PCDHGB2: variants seen among roughly 807,000 people sequenced by gnomAD.
The protein encoded by PCDHGB2 is protocadherin gamma subfamily B, 2.
PCDHGB2 carries 55 observed loss-of-function variants against 59.3 expected under a neutral mutation model. The ratio of observed to expected loss-of-function variants is 0.93; its 90% CI spans 0.75 to 1.16. The LOEUF is 1.16. PCDHGB2 is among the 50% of genes most tolerant of loss of function. The pLI is 0.00. For missense variants in PCDHGB2, 1,228 were observed against 1,198.5 expected, an observed-to-expected ratio of 1.02 and a Z score of -0.36; for synonymous variants, 516 against 512.0, an observed-to-expected ratio of 1.01 and a Z score of -0.11.
At chr5:141,408,473 G>A (rs2095117243) in intron 1 of PCDHGB2, 5 of 1,613,952 alleles carry the variant, frequency 3.1e-6, no homozygotes, top group African/African-American at 1.3e-5. Flanking sequence ...GAACCGAATA[G>A]ACCGTGAGCA....
intron 1 of PCDHGB2, chr5:141,441,910 G>A: frequency 2.9e-6 from 1 of 349,440 alleles, no homozygotes; most frequent in Non-Finnish European, 5.5e-6. Flanking sequence ...AGACGCAGAT[G>A]TGAGACACAA....
chr5:141,448,974 C>T (rs937711828), intron 1 of PCDHGB2, among the ~76,000 whole-genome samples: 5 of 151,994 alleles, frequency 3.3e-5, no homozygotes, highest in African/African-American at 1.2e-4. Context: ...CAAAAAAGAA[C>T]TTCCATATTA....
At chr5:141,414,921 G>T (rs746806079) in intron 1 of PCDHGB2, 22 of 1,613,992 alleles carry the variant, frequency 1.4e-5, no homozygotes, top group East Asian at 4.5e-5. Context: ...TGGAGCTGGC[G>T]CCCCGCTCCG....
chr5:141,505,653 G>A (rs1049630228), intron 3 of PCDHGB2, among the ~76,000 whole-genome samples, 172 bp downstream of exon 3: 1 of 152,184 alleles, frequency 6.6e-6, no homozygotes, highest in Non-Finnish European at 1.5e-5. Context: ...TTGTGGCTAA[G>A]GAACAGCAGA....
chr5:141,419,715 T>A, intron 1 of PCDHGB2: 5 of 1,613,288 alleles, frequency 3.1e-6, no homozygotes, highest in Non-Finnish European at 4.2e-6. Context: ...CTCTTCAGCC[T>A]GGGGCTGCGA....
chr5:141,378,385 G>T, intron 1 of PCDHGB2: 1 of 152,308 alleles, frequency 6.6e-6, no homozygotes, highest in Non-Finnish European at 1.5e-5. Flanking sequence ...TAGCCAGGTG[G>T]GGTGGCATGG....
rs56172360 is a variant in PCDHGB2, at chr5:141,369,006, T to C, written c.2421+6450T>C. 9.9e-3 allele frequency among the ~76,000 whole-genome samples: 1,506 copies of C among 152,332 alleles called. 25 individuals are homozygous for C. Among genetic ancestry groups the C allele is most frequent in the African/African-American group, 0.034 (1,404 of 41,566 alleles). ...TAAGGTGAATTCGGTGTGGAACTCA[T>C]TGCTTATTGCTGCACACTTGCCTAG... On this transcript the variant is annotated intron_variant, in intron 1 of 3. Transcript: ENST00000522605.
chr5:141,469,213 G>C (rs866405809), intron 1 of PCDHGB2, among the ~76,000 whole-genome samples: 4 of 150,912 alleles, frequency 2.7e-5, no homozygotes, highest in African/African-American at 9.7e-5. Flanking sequence ...TGAAGTTGAG[G>C]CTTCAGTGAG....
Position 141,491,757 on chromosome 5 carries a change from C to G in PCDHGB2, c.2422-3050C>G. ...CTGGGGGCGGCACTGGAGAAGCCGC[C>G]CGTCCTCATAAGGGATTGAACTTGC... On this transcript the variant is annotated intron_variant, in intron 1 of 3. Coordinates refer to ENST00000522605, the MANE Select transcript of PCDHGB2 (RefSeq NM_018923.3). This position sits in a 1 kb window ranked among gnomAD's most constrained non-coding sequence, Gnocchi z 6.9. 1 of 1,580,374 alleles carries G rather than the reference C, an allele frequency of 6.3e-7. No individual in the cohort carries two copies. The highest frequency in any genetic ancestry group is 1.9e-5 in the Admixed American group (1 of 53,534).
intron 1 of PCDHGB2, among the ~76,000 whole-genome samples, chr5:141,387,466 C>G (rs1589036513): frequency 6.6e-6 from 1 of 152,194 alleles, no homozygotes; most frequent in Non-Finnish European, 1.5e-5. Context: ...TAAAAATCCT[C>G]AAAGTTGGGA....
intron 1 of PCDHGB2, among the ~76,000 whole-genome samples, chr5:141,439,043 G>T (rs1688170264): frequency 6.6e-6 from 1 of 151,346 alleles, no homozygotes; most frequent in Non-Finnish European, 1.5e-5. Flanking sequence ...CAGTTCATAA[G>T]ATTTCCATAT....
rs373591066 is a variant in PCDHGB2, at chr5:141,404,487, G to T, written c.2421+41931G>T. 8 of 1,613,840 alleles carry T rather than the reference G, an allele frequency of 5.0e-6. No homozygotes were observed. In the East Asian group the frequency reaches 1.8e-4, roughly 36 times the overall value. The stretch of plus-strand genomic sequence containing the variant: ...TATGTCTCTATTAACTCAGACACTG[G>T]TGTGCTGTATGCTCTGTGCTCCTTT... On this transcript the variant is annotated intron_variant, in intron 1 of 3. Transcript: ENST00000522605.
chr5:141,489,348 G>T lies in PCDHGB2; in HGVS notation c.2422-5459G>T. On this transcript the variant is annotated intron_variant, in intron 1 of 3. Coordinates refer to ENST00000522605, the MANE Select transcript of PCDHGB2 (RefSeq NM_018923.3). The surrounding 1 kb of genome is among the most constrained non-coding windows in gnomAD (Gnocchi z 4.5). ...CTGGGCAGCTTCGTTACTCAGTGGT[G>T]GAGGAGTCTGAGCCGGGGACGCTGG... is the stretch of plus-strand genomic sequence containing the variant. 1 of 1,611,876 alleles carries T rather than the reference G, an allele frequency of 6.2e-7. No homozygotes were observed. The highest frequency in any genetic ancestry group is 8.5e-7 in the Non-Finnish European group (1 of 1,178,502).
intron 1 of PCDHGB2, chr5:141,395,029 AT>A: frequency 6.2e-7 from 1 of 1,613,976 alleles, no homozygotes. Context: ...CCTGCCTCAC[AT>A]TTTGTGGGTG....
chr5:141,410,140 G>GCGTGA, intron 1 of PCDHGB2: 1 of 1,612,782 alleles, frequency 6.2e-7, no homozygotes, highest in Non-Finnish European at 8.5e-7. Flanking sequence ...TGGTCGCTGT[G>GCGTGA]CGTGACGGTG....
chr5:141,387,810 A>G (rs2091099710), intron 1 of PCDHGB2: 1 of 1,525,916 alleles, frequency 6.6e-7, no homozygotes. Context: ...TCGGAGATCC[A>G]AAAATCTGCA....
chr5:141,427,855 G>T (rs2097079766), intron 1 of PCDHGB2: 1 of 1,553,826 alleles, frequency 6.4e-7, no homozygotes, highest in Non-Finnish European at 8.8e-7. Flanking sequence ...GAGCAGCTGT[G>T]CGCCTTCGAG....
At chr5:141,366,314 G>A (rs759896356) in intron 1 of PCDHGB2, 9 of 1,613,624 alleles carry the variant, frequency 5.6e-6, no homozygotes, top group South Asian at 5.5e-5. Flanking sequence ...CACGGTCACC[G>A]TTGCCGTGGC....
chr5:141,473,930 G>T (rs966856411), intron 1 of PCDHGB2, among the ~76,000 whole-genome samples: 3 of 152,156 alleles, frequency 2.0e-5, no homozygotes, highest in Admixed American at 6.5e-5. Flanking sequence ...TGAGCTGGGT[G>T]CAGTAGCTCA....
Sources: allele counts gnomAD v4.1 joint callset (sites outside exome capture counted in the v4.1 genomes callset), GRCh38; gene constraint gnomAD v4.1.1; non-coding constraint Gnocchi (gnomAD v3.1); transcripts MANE v1.5; gene names NCBI Gene and HGNC (gene_info 2026-07-23, HGNC 2026-07-21).